Variants in LHFPL2 observed in about 807,000 individuals in gnomAD.
LHFPL2 encodes LHFPL tetraspan subfamily member 2 protein.
In LHFPL2, 7 loss-of-function variants were observed where a neutral mutation model predicts 17.5. The ratio of observed to expected loss-of-function variants is 0.40; its 90% confidence interval spans 0.23 to 0.75. LHFPL2 has a LOEUF of 0.75. Among genes scored for constraint, LHFPL2 ranks in the 30% least tolerant of loss-of-function variants. The probability of loss-of-function intolerance (pLI) is 0.37; values close to 1 mark genes in which losing one functional copy is unlikely to be tolerated. For synonymous variants in LHFPL2, 134 were observed against 116.2 expected (o/e 1.15, Z -0.99); for missense variants, 241 against 294.8 (o/e 0.82, Z 1.34).
intron 2 of LHFPL2, among the ~76,000 whole-genome samples, chr5:78,583,545 T>G (rs1008204252): frequency 2.7e-4 from 41 of 151,280 alleles, no homozygotes; most frequent in African/African-American, 9.9e-4. Flanking sequence ...CTTATGAAGC[T>G]TAATTTGGCT....
At chr5:78,542,080 C>A (rs1580791065) in intron 3 of LHFPL2, among the ~76,000 whole-genome samples, 1 of 151,430 alleles carries the variant, frequency 6.6e-6, no homozygotes, top group South Asian at 2.1e-4. Flanking sequence ...CTCTGCGACC[C>A]TTTGGATTTG....
intron 3 of LHFPL2, among the ~76,000 whole-genome samples, chr5:78,521,165 A>G (rs983684347): frequency 6.6e-6 from 1 of 152,256 alleles, no homozygotes; most frequent in Non-Finnish European, 1.5e-5. Flanking sequence ...GGCAAGAGTC[A>G]GAAGTCATAT....
At chr5:78,623,310 AC>A (rs1744923363) in intron 2 of LHFPL2, among the ~76,000 whole-genome samples, 1 of 152,238 alleles carries the variant, frequency 6.6e-6, no homozygotes, top group African/African-American at 2.4e-5. Context: ...GAACTCCATC[AC>A]ATTATTTTCA....
At chr5:78,520,285 C>T (rs1455543940) in intron 3 of LHFPL2, among the ~76,000 whole-genome samples, 3 of 152,154 alleles carry the variant, frequency 2.0e-5, no homozygotes, top group African/African-American at 7.2e-5. Context: ...GGGAAAAAGA[C>T]CCACTAGGCA....
In LHFPL2 at chr5:78,485,979, A is replaced by G. The variant is rs1189491784; in HGVS notation, c.*2918T>C. On this transcript the variant is annotated 3_prime_UTR_variant, in exon 5 of 5. Transcript: ENST00000380345. The stretch of plus-strand genomic sequence containing the variant: ...GAACTCTCCTTGCCAAAACAGAAAC[A>G]AACATCCCTGTTTTGACTCCTGTCC... 1 of 152,608 alleles carries G rather than the reference A, an allele frequency of 6.6e-6. No homozygotes were observed. Among genetic ancestry groups the G allele is most frequent in the Admixed American group, 6.5e-5 (1 of 15,278 alleles). The allele number at this position is 152,608 out of a possible 1,614,324, so 9.5% of individuals were successfully genotyped here. A position where few individuals can be genotyped will look rare whatever the true frequency, so the allele number is the denominator to read the frequency against.
intron 4 of LHFPL2, among the ~76,000 whole-genome samples, chr5:78,503,853 C>A (rs1754850963): frequency 6.6e-6 from 1 of 151,962 alleles, no homozygotes; most frequent in African/African-American, 2.4e-5. Flanking sequence ...TCTTTTGCTT[C>A]TCTATGGTAC....
chr5:78,489,621 C>CTCCTAAGCTCAAGTGA, intron 4 of LHFPL2, among the ~76,000 whole-genome samples: 1 of 152,302 alleles, frequency 6.6e-6, no homozygotes, highest in African/African-American at 2.4e-5. Flanking sequence ...TGGTCTCAAA[C>CTCCTAAGCTCAAGTGA]TCCTAAGCTC....
chr5:78,535,836 C>G (rs1386523970), intron 3 of LHFPL2, among the ~76,000 whole-genome samples: 1 of 152,170 alleles, frequency 6.6e-6, no homozygotes, highest in African/African-American at 2.4e-5. Context: ...ACAACAGGTG[C>G]CGGACTCTGA....
At chr5:78,562,076 C>G (rs1160495773) in intron 3 of LHFPL2, among the ~76,000 whole-genome samples, 1 of 152,208 alleles carries the variant, frequency 6.6e-6, no homozygotes, top group Non-Finnish European at 1.5e-5. Flanking sequence ...ACCCCTCAGA[C>G]TCCACATGCT....
intron 2 of LHFPL2, among the ~76,000 whole-genome samples, chr5:78,630,530 T>C (rs983925980): frequency 1.3e-5 from 2 of 152,144 alleles, no homozygotes; most frequent in East Asian, 1.9e-4. Flanking sequence ...CCTGGGAAAC[T>C]TGAAGACCAT....
At chr5:78,540,144 A>G (rs1345998969) in intron 3 of LHFPL2, among the ~76,000 whole-genome samples, 6 of 152,234 alleles carry the variant, frequency 3.9e-5, no homozygotes, top group Non-Finnish European at 7.3e-5. Flanking sequence ...AAGCAATGTA[A>G]TCAACAAAAT....
At chr5:78,602,952 G>A (rs539369395) in intron 2 of LHFPL2, among the ~76,000 whole-genome samples, 30 of 152,290 alleles carry the variant, frequency 2.0e-4, no homozygotes, top group Non-Finnish European at 3.8e-4. Flanking sequence ...GTGCAGTGGT[G>A]CGATCTCAGC....
intron 2 of LHFPL2, among the ~76,000 whole-genome samples, chr5:78,577,572 C>T (rs934748211): frequency 2.6e-5 from 4 of 152,134 alleles, no homozygotes; most frequent in Admixed American, 6.5e-5. Flanking sequence ...CTGCCGTACA[C>T]GGGTCCATTT....
chr5:78,631,548 G>A (rs1052121333), intron 2 of LHFPL2, among the ~76,000 whole-genome samples: 3 of 152,240 alleles, frequency 2.0e-5, no homozygotes, highest in African/African-American at 4.8e-5. Context: ...AGTCCAATGT[G>A]TTGTGTGAGC....
At position 78,532,477 on chromosome 5, in the gene LHFPL2, G is replaced by A. The variant is rs1005939232; in HGVS notation, c.-185-22079C>T. ...ATGAAAGTCCTGTGCTATTGATGAT[G>A]AAGCAGAAAGACAGAAAGAGCCTGG... On this transcript the variant is annotated intron_variant, in intron 3 of 4. Coordinates refer to ENST00000380345, the MANE Select transcript of LHFPL2 (RefSeq NM_005779.3). 2.0e-5 allele frequency among the ~76,000 whole-genome samples: 3 copies of A among 152,154 alleles called. No homozygotes were observed. The East Asian group carries it at 5.8e-4, about 29-fold the overall frequency.
chr5:78,641,140 T>C (rs1249548659), intron 1 of LHFPL2, among the ~76,000 whole-genome samples: 14 of 152,360 alleles, frequency 9.2e-5, no homozygotes, highest in Admixed American at 6.5e-4. Context: ...CATGTGCAGC[T>C]GCCCATTAGC....
chr5:78,550,539 T>A (rs1346375916), intron 3 of LHFPL2, among the ~76,000 whole-genome samples: 3 of 151,730 alleles, frequency 2.0e-5, no homozygotes, highest in Non-Finnish European at 4.4e-5. Context: ...TGAAAAAGGA[T>A]CCTCTTTACT....
intron 3 of LHFPL2, among the ~76,000 whole-genome samples, chr5:78,553,959 A>T (rs567664698): frequency 6.6e-6 from 1 of 152,336 alleles, no homozygotes; most frequent in Non-Finnish European, 1.5e-5. Flanking sequence ...TCATTTGGGG[A>T]GCAACATTTA....
chr5:78,578,029 T>C (rs1757176054), intron 2 of LHFPL2, among the ~76,000 whole-genome samples: 2 of 152,234 alleles, frequency 1.3e-5, no homozygotes, highest in Admixed American at 1.3e-4. Context: ...CTCTTTCTCT[T>C]TCCTTGTCAT....
Sources: allele counts gnomAD v4.1 joint callset (sites outside exome capture counted in the v4.1 genomes callset), GRCh38; gene constraint gnomAD v4.1.1; transcripts MANE v1.5; gene names NCBI Gene and HGNC (gene_info 2026-07-23, HGNC 2026-07-21).